SLC13A5: variants seen among roughly 807,000 people sequenced by gnomAD.
SLC13A5 encodes Na(+)/citrate cotransporter.
In SLC13A5, 25 loss-of-function variants were observed where a neutral mutation model predicts 56.5. That is an observed-to-expected ratio of 0.44 (90% CI 0.32 to 0.62). The LOEUF (loss-of-function observed/expected upper bound fraction) is 0.62. Ranked by LOEUF, SLC13A5 falls within the 20% of genes least tolerant of loss-of-function variation. The pLI, the probability that SLC13A5 is intolerant of heterozygous loss-of-function variation, is 0.04. For synonymous variants in SLC13A5, 307 were observed against 301.5 expected, an observed-to-expected ratio of 1.02 and a Z score of -0.19; for missense variants, 649 against 737.8, an observed-to-expected ratio of 0.88 and a Z score of 1.39.
At chr17:6,708,287 G>A (rs1321195361) in intron 1 of SLC13A5, among the ~76,000 whole-genome samples, 3 of 152,166 alleles carry the variant, frequency 2.0e-5, no homozygotes, top group African/African-American at 7.2e-5. Context: ...CTTCTTAGAT[G>A]TCTCCCTGCG....
intron 2 of SLC13A5, 94 bp from the exon 3 acceptor site, chr17:6,706,872 GT>G: frequency 6.3e-7 from 1 of 1,575,924 alleles, no homozygotes; most frequent in Non-Finnish European, 8.6e-7. Context: ...ACAGCTTGGA[GT>G]GGGGATGCAG....
rs767359854 is a variant in SLC13A5 at position 6,693,136 on chromosome 17, G to T, written c.1183C>A (p.Pro395Thr). Reference sequence around the variant, plus strand: ...TGGGTTACCTTCCAATCCAGCAGGGGAGGGGGATAAAATGGAGTTTTCCTT... The same window carrying T: ...TGGGTTACCTTCCAATCCAGCAGGGTAGGGGGATAAAATGGAGTTTTCCTT... The part of the protein sequence containing the change: ...EERKTPFYPP[P>T]LLDWKVTQEK... Residue 395 changes from proline to threonine, a missense_variant, in exon 9 of 12, where the codon CCC (proline) becomes ACC (threonine). By Grantham distance (38) the Pro-to-Thr change is conservative (BLOSUM62 -1). Coordinates refer to ENST00000433363, the MANE Select transcript of SLC13A5 (RefSeq NM_177550.5). The T allele has an allele frequency of 1.2e-6, 2 of 1,611,958 alleles. No homozygotes were observed. The highest frequency in any genetic ancestry group is 1.7e-6 in the Non-Finnish European group (2 of 1,179,110).
At position 6,706,581 on chromosome 17, in the gene SLC13A5, C is replaced by A. The variant is rs1415533495; in HGVS notation, c.368+61G>T. On this transcript the variant is annotated intron_variant, in intron 3 of 11. Transcript: ENST00000433363. ...ATGGCCTGGTCTGTGCCATCCTCCA[C>A]CCCCTTCCAGCCCTGGGGCTCATGC... is the stretch of plus-strand genomic sequence containing the variant. 5 of 1,585,720 alleles carry A rather than the reference C, an allele frequency of 3.2e-6. No homozygotes were observed. The Admixed American group carries it at 8.7e-5, about 28-fold the overall frequency.
Position 6,707,040 on chromosome 17 carries a change from C to T in SLC13A5, c.219G>A (p.Leu73=). 6.2e-7 allele frequency: 1 copy of T among 1,613,890 alleles called. No homozygotes were observed. The highest frequency in any genetic ancestry group is 8.5e-7 in the Non-Finnish European group (1 of 1,180,004). Residue 73 remains leucine (L), a synonymous_variant, in exon 2 of 12, where the codon CTG becomes CTA. Transcript: ENST00000433363. The part of the protein sequence containing the change: ...PVLLFPLFQI[L]DSRQVCVQYM... ...TGGGTCTGCTCACCTGCCTGGAGTCCAGAATCTGGAAGAGTGGGAAAAGCA... is the reference window on the plus strand; with the variant it reads ...TGGGTCTGCTCACCTGCCTGGAGTCTAGAATCTGGAAGAGTGGGAAAAGCA...
Position 6,701,895 on chromosome 17 carries a change from C to T in SLC13A5, c.717-769G>A, listed in dbSNP as rs1452652838. Among the ~76,000 whole-genome samples the T allele has an allele frequency of 6.6e-6, 1 of 152,140 alleles. No individual in the cohort carries two copies. The highest frequency in any genetic ancestry group is 1.5e-5 in the Non-Finnish European group (1 of 68,020). On this transcript the variant is annotated intron_variant, in intron 5 of 11. Coordinates refer to ENST00000433363, the MANE Select transcript of SLC13A5 (RefSeq NM_177550.5). The surrounding 1 kb of genome is among the most constrained non-coding windows in gnomAD (Gnocchi z 4.1). Reference sequence around the variant, plus strand: ...GGCTGGAGGAGGGTCACTTCCACCACAGGCCCCGCCTCCCATCCCCGGGGC... The same window carrying T: ...GGCTGGAGGAGGGTCACTTCCACCATAGGCCCCGCCTCCCATCCCCGGGGC...
chr17:6,695,101 T>C (rs1285854279), intron 7 of SLC13A5, among the ~76,000 whole-genome samples: 1 of 152,184 alleles, frequency 6.6e-6, no homozygotes, highest in African/African-American at 2.4e-5. Flanking sequence ...ACCCTACTCC[T>C]AGCCCAAGAA....
At chr17:6,696,236 GA>G (rs774492396) in intron 6 of SLC13A5, among the ~76,000 whole-genome samples, 1 of 152,152 alleles carries the variant, frequency 6.6e-6, no homozygotes, top group Non-Finnish European at 1.5e-5. Context: ...AGGAGCTTCG[GA>G]GCCTGCGCAA....
At chr17:6,690,021 G>A (rs954637865) in intron 10 of SLC13A5, 2 of 116,596 alleles carry the variant, frequency 1.7e-5, no homozygotes, top group Non-Finnish European at 3.2e-5. Flanking sequence ...ATACTACCCT[G>A]AAGCTGGTAC....
In SLC13A5 at chr17:6,706,756, T is replaced by C; in HGVS notation, c.254A>G (p.Asp85Gly). Residue 85 changes from aspartate (D) to glycine (G), a missense_variant, in exon 3 of 12, where the codon GAC becomes GGC. Physicochemically the swap from Asp to Gly is moderately conservative, Grantham distance 94. Coordinates refer to ENST00000433363, the MANE Select transcript of SLC13A5 (RefSeq NM_177550.5). ...SRQVCVQYMK[D>G]TNMLFLGGLI... ...GCCGCCCAGGAACAGCATGTTGGTG[T>C]CCTTCATGTACTGGACACACACCTG... 1 of 1,614,030 alleles carries C rather than the reference T, an allele frequency of 6.2e-7. No individual in the cohort carries two copies. The highest frequency in any genetic ancestry group is 8.5e-7 in the Non-Finnish European group (1 of 1,179,996).
At chr17:6,689,051 G>A (rs1321651005) in intron 10 of SLC13A5, 1 of 152,158 alleles carries the variant, frequency 6.6e-6, no homozygotes, top group African/African-American at 2.4e-5. Flanking sequence ...GGATATATTT[G>A]TATAATAATT....
chr17:6,710,346 A>C lies in SLC13A5; in HGVS notation c.102+2886T>G, dbSNP rs147757841. 3.7e-3 allele frequency among the ~76,000 whole-genome samples: 567 copies of C among 152,336 alleles called. 4 individuals carry two copies. Among genetic ancestry groups the C allele is most frequent in the African/African-American group, 0.013 (538 of 41,576 alleles). On this transcript the variant is annotated intron_variant, in intron 1 of 11. Transcript: ENST00000433363. The stretch of plus-strand genomic sequence containing the variant: ...TCATAAATTACTCCTCCTGCTCCCA[A>C]TCCTGGTCCCTGTCCCCTCTTGTTT...
At position 6,690,925 on chromosome 17, in the gene SLC13A5, C is replaced by A. The variant is rs201036096; in HGVS notation, c.1291G>T (p.Val431Leu). 35 of 1,609,576 alleles carry A rather than the reference C, an allele frequency of 2.2e-5. No individual in the cohort carries two copies. The highest frequency in any genetic ancestry group is 2.2e-4 in the Admixed American group (13 of 59,796). Residue 431 changes from valine (V) to leucine (L), a missense_variant, in exon 10 of 12, where the codon GTG becomes TTG. Coordinates refer to ENST00000433363, the MANE Select transcript of SLC13A5 (RefSeq NM_177550.5). ...AKGSEASGLSVWMGKQMEPLH... is the reference protein window; with the variant it reads ...AKGSEASGLSLWMGKQMEPLH... The stretch of plus-strand genomic sequence containing the variant: ...GGCTCCATCTGCTTCCCCATCCACA[C>A]GGACAGCCCCGAGGCCTGGGAAGCA...
At chr17:6,704,173 T>A (rs1463717439) in intron 3 of SLC13A5, 117 bp from the exon 4 acceptor site, 1 of 1,089,480 alleles carries the variant, frequency 9.2e-7, no homozygotes, top group South Asian at 1.3e-5. Context: ...TTGAGGCCAA[T>A]TCAAGATCAG....
At chr17:6,690,752 GCTC>G in intron 10 of SLC13A5, 24 bp downstream of exon 10, 1 of 1,614,124 alleles carries the variant, frequency 6.2e-7, no homozygotes, top group Non-Finnish European at 8.5e-7. Flanking sequence ...AAATGGAAGG[GCTC>G]CTCCCCACTG....
rs773635063 is a variant in SLC13A5, at chr17:6,687,456, A to T, written c.1575+73T>A. On this transcript the variant is annotated intron_variant, in intron 11 of 11. Transcript: ENST00000433363. This position sits in a 1 kb window ranked among gnomAD's most constrained non-coding sequence, Gnocchi z 5.0. Reference sequence around the variant, plus strand: ...CATGACATCGTTTTGAAACTCTGTCATTCATAAATGGGGCATCCCTTATGA... The same window carrying T: ...CATGACATCGTTTTGAAACTCTGTCTTTCATAAATGGGGCATCCCTTATGA... The T allele has an allele frequency of 3.0e-5, 47 of 1,588,620 alleles. No homozygotes were observed. Among genetic ancestry groups the T allele is most frequent in the South Asian group, 6.9e-5 (6 of 87,144 alleles).
rs555115414 is a variant in SLC13A5 at position 6,708,980 on chromosome 17, C to G, written c.103-1824G>C. 4.2e-3 allele frequency among the ~76,000 whole-genome samples: 599 copies of G among 141,524 alleles called. 7 individuals are homozygous for G. The highest frequency in any genetic ancestry group is 0.014 in the African/African-American group (568 of 39,468). The allele number at this position is 141,524 out of a possible 152,430, so 92.8% of individuals were successfully genotyped here. A position where few individuals can be genotyped will look rare whatever the true frequency, so the allele number is the denominator to read the frequency against. ...TAATCATTTTCTTTTCTTTCTCTCT[C>G]GCTCTTTTATTTCTTTTTTTTTTTT... On this transcript the variant is annotated intron_variant, in intron 1 of 11. Transcript: ENST00000433363.
chr17:6,703,402 C>T (rs532702636), intron 4 of SLC13A5, among the ~76,000 whole-genome samples: 15 of 152,338 alleles, frequency 9.8e-5, no homozygotes, highest in South Asian at 8.3e-4. Flanking sequence ...TAAGGGAACA[C>T]GGCAGACGGC....
At chr17:6,705,737 G>T (rs1973848875) in intron 3 of SLC13A5, among the ~76,000 whole-genome samples, 1 of 152,162 alleles carries the variant, frequency 6.6e-6, no homozygotes, top group Non-Finnish European at 1.5e-5. Flanking sequence ...GCCTCAGGAG[G>T]AATTTACCGT....
chr17:6,690,932 C>T lies in SLC13A5; in HGVS notation c.1284G>A (p.Gly428=), dbSNP rs544460160. Residue 428 remains glycine, a synonymous_variant, in exon 10 of 12, where the codon GGG becomes GGA. Transcript: ENST00000433363. Reference sequence around the variant, plus strand: ...TCTGCTTCCCCATCCACACGGACAGCCCCGAGGCCTGGGAAGCACCAGGAG... The same window carrying T: ...TCTGCTTCCCCATCCACACGGACAGTCCCGAGGCCTGGGAAGCACCAGGAG... ...FALAKGSEAS[G]LSVWMGKQME... 6.2e-7 allele frequency: 1 copy of T among 1,605,716 alleles called. No homozygotes were observed. The highest frequency in any genetic ancestry group is 1.7e-5 in the Admixed American group (1 of 59,642).
Sources: allele counts gnomAD v4.1 joint callset (sites outside exome capture counted in the v4.1 genomes callset), GRCh38; gene constraint gnomAD v4.1.1; non-coding constraint Gnocchi (gnomAD v3.1); transcripts MANE v1.5; gene names NCBI Gene and HGNC (gene_info 2026-07-23, HGNC 2026-07-21).